The following GK variants were observed in gnomAD, a reference collection of about 807,000 sequenced individuals.
The protein encoded by GK is ATP:glycerol 3-phosphotransferase.
GK carries 9 observed loss-of-function variants against 56.4 expected under a neutral mutation model. The ratio of observed to expected loss-of-function variants is 0.16; its 90% confidence interval spans 0.10 to 0.28. The LOEUF is 0.28. Ranked by LOEUF, GK falls within the 10% of genes least tolerant of loss-of-function variation. The pLI, the probability that GK is intolerant of heterozygous loss-of-function variation, is 1.00. For synonymous variants in GK, 104 were observed against 144.1 expected (o/e 0.72, Z 1.99); for missense variants, 161 against 431.4 (o/e 0.37, Z 5.55).
At chrX:30,704,686 C>T (rs1307375813) in intron 11 of GK, among the ~76,000 whole-genome samples, 1 of 110,001 alleles carries the variant, frequency 9.1e-6, no homozygotes, top group Non-Finnish European at 1.9e-5. Flanking sequence ...GTTCTCCTGC[C>T]TCAGCCCCCC....
rs201310008 is a variant in GK at position 30,662,742 on chromosome X, T to C, written c.79-2769T>C. On this transcript the variant is annotated intron_variant, in intron 1 of 20. Coordinates refer to ENST00000427190, the MANE Select transcript of GK (RefSeq NM_001205019.2). ...CTTTCTTTCTTTCTTTCTTTCCTTC[T>C]TTCTTTCCTTCCTTCCTTCCTTCCT... Among the ~76,000 whole-genome samples the C allele has an allele frequency of 7.8e-3, 698 of 89,813 alleles. 4 individuals carry two copies. The highest frequency in any genetic ancestry group is 0.011 in the Middle Eastern group (2 of 183). 78.0% of individuals were successfully genotyped at this position (89,813 alleles called of 115,157 possible). A position where few individuals can be genotyped will look rare whatever the true frequency, so the allele number is the denominator to read the frequency against.
At chrX:30,713,218 CCT>C (rs767482030) in intron 13 of GK, among the ~76,000 whole-genome samples, 10 of 111,309 alleles carry the variant, frequency 9.0e-5, no homozygotes, top group Non-Finnish European at 1.7e-4. Flanking sequence ...GATTCTATTC[CCT>C]GTCTTGCGCA....
intron 4 of GK, 122 bp from the exon 5 acceptor site, chrX:30,691,001 A>C (rs1934899444): frequency 2.2e-6 from 1 of 444,755 alleles, no homozygotes; most frequent in Non-Finnish European, 4.0e-6. Context: ...TATCTCTTAA[A>C]AGCTATAGAA....
At chrX:30,676,067 A>G (rs1204208229) in intron 3 of GK, among the ~76,000 whole-genome samples, 1 of 112,235 alleles carries the variant, frequency 8.9e-6, no homozygotes, top group Non-Finnish European at 1.9e-5. Context: ...CTGGGATTAC[A>G]GGTGCAAGCC....
chrX:30,704,495 C>T (rs112052131), intron 11 of GK, among the ~76,000 whole-genome samples: 5,767 of 108,582 alleles, frequency 0.053, 171 homozygotes, highest in Non-Finnish European at 0.077. Context: ...TGGTCAGTAG[C>T]GCAAAACATT....
intron 18 of GK, chrX:30,723,681 G>C (rs1937012345): frequency 9.9e-6 from 2 of 201,616 alleles, no homozygotes; most frequent in African/African-American, 5.9e-5. Context: ...AGAGTGCAGT[G>C]GTGTGATCTT....
chrX:30,700,686 C>T (rs1403904476), intron 10 of GK, 152 bp from the exon 11 acceptor site: 3 of 518,742 alleles, frequency 5.8e-6, no homozygotes, highest in Non-Finnish European at 1.0e-5. Context: ...ATGGTATTAA[C>T]AAATGGGGAA....
rs1298014651 is a variant in GK at position 30,730,308 on chromosome X, T to C, written c.*1566T>C. The C allele has an allele frequency of 1.8e-5, 2 of 111,955 alleles. No homozygotes were observed. The highest frequency in any genetic ancestry group is 3.2e-5 in the African/African-American group (1 of 30,833). 9.2% of individuals were successfully genotyped at this position (111,955 alleles called of 1,213,427 possible). A position where few individuals can be genotyped will look rare whatever the true frequency, so the allele number is the denominator to read the frequency against. ...ATGGTAGCTTTATTGACTGTTCTGA[T>C]TGTGCTGTTTCTAATTTATTGAATC... On this transcript the variant is annotated 3_prime_UTR_variant, in exon 21 of 21. Transcript: ENST00000427190.
intron 4 of GK, among the ~76,000 whole-genome samples, chrX:30,684,137 G>A (rs755209121): frequency 6.6e-4 from 74 of 112,341 alleles, no homozygotes; most frequent in African/African-American, 2.3e-3. Context: ...TAGTTAAAAT[G>A]TGAAGCGGGA....
intron 12 of GK, 128 bp from the exon 13 acceptor site, chrX:30,707,926 G>A (rs1936103242): frequency 2.1e-6 from 1 of 481,421 alleles, no homozygotes; most frequent in Admixed American, 3.6e-5. Context: ...TGACTGTAAG[G>A]ATTTATTTTA....
intron 3 of GK, among the ~76,000 whole-genome samples, chrX:30,669,471 C>T (rs866115827): frequency 9.0e-6 from 1 of 110,882 alleles, no homozygotes; most frequent in Non-Finnish European, 1.9e-5. Context: ...CATGAGCCAC[C>T]GCGCCCAGCG....
chrX:30,660,198 GTAATAA>G (rs62990461), intron 1 of GK, among the ~76,000 whole-genome samples: 1 of 108,493 alleles, frequency 9.2e-6, no homozygotes, highest in Non-Finnish European at 1.9e-5. Context: ...ATAGGTAATA[GTAATAA>G]TAATAATAAT....
chrX:30,727,904 T>C (rs1937210925), intron 20 of GK, among the ~76,000 whole-genome samples: 1 of 111,867 alleles, frequency 8.9e-6, no homozygotes, highest in Non-Finnish European at 1.9e-5. Context: ...AAATTGTCTT[T>C]CAAATGTATA....
chrX:30,724,917 G>T (rs922903026), intron 19 of GK, among the ~76,000 whole-genome samples: 10 of 108,195 alleles, frequency 9.2e-5, no homozygotes, highest in Non-Finnish European at 1.7e-4. Context: ...GTCTCGCTCC[G>T]TCACCCAGGC....
At chrX:30,701,196 G>A (rs1935638706) in intron 11 of GK, among the ~76,000 whole-genome samples, 1 of 111,732 alleles carries the variant, frequency 8.9e-6, no homozygotes, top group Non-Finnish European at 1.9e-5. Flanking sequence ...GATCACCTGA[G>A]GCCGGGAGTT....
intron 3 of GK, among the ~76,000 whole-genome samples, chrX:30,674,834 G>A (rs889155430): frequency 1.8e-5 from 2 of 112,042 alleles, no homozygotes; most frequent in Admixed American, 1.9e-4. Flanking sequence ...GTTGAATAAA[G>A]TAAGTCAATC....
chrX:30,710,124 C>T (rs1403681628), intron 13 of GK, among the ~76,000 whole-genome samples: 2 of 111,791 alleles, frequency 1.8e-5, no homozygotes, highest in Non-Finnish European at 3.8e-5. Flanking sequence ...TTGTTTTACA[C>T]GTGAGGAAAC....
intron 9 of GK, among the ~76,000 whole-genome samples, chrX:30,699,247 T>TTATATATACATGTTATGTATAACATG (rs1200480956): frequency 1.0e-5 from 1 of 99,161 alleles, no homozygotes; most frequent in Non-Finnish European, 2.0e-5. Flanking sequence ...GTATAACATG[T>TTATATATACATGTTATGTATAACATG]TATATATACA....
chrX:30,662,978 GT>G (rs769694128), intron 1 of GK, among the ~76,000 whole-genome samples: 10 of 108,881 alleles, frequency 9.2e-5, no homozygotes, highest in African/African-American at 3.3e-4. Context: ...CACCTCCTTG[GT>G]TCAAGTGATT....
Sources: gnomAD v4.1 joint callset for allele counts (sites outside exome capture counted in the v4.1 genomes callset) on GRCh38, gnomAD v4.1.1 for gene constraint, MANE v1.5 for transcripts, NCBI Gene and HGNC (gene_info 2026-07-23, HGNC 2026-07-21) for gene names.